The following FBLN7 variants were observed in gnomAD, a reference collection of about 807,000 sequenced individuals.
The protein encoded by FBLN7 is fibulin-7.
FBLN7 carries 31 observed loss-of-function variants against 44.0 expected under a neutral mutation model. The ratio of observed to expected loss-of-function variants is 0.70; its 90% CI spans 0.53 to 0.95. The LOEUF (loss-of-function observed/expected upper bound fraction) is 0.95, where lower values mean the gene tolerates loss of function less well. FBLN7 is among the 40% of genes least tolerant of loss of function. The pLI is 0.00. For missense variants in FBLN7, 573 were observed against 618.5 expected (o/e 0.93, Z 0.78); for synonymous variants, 262 against 253.4 (o/e 1.03, Z -0.32).
intron 4 of FBLN7, chr2:112,177,241 T>C (rs1322853482): frequency 6.6e-6 from 1 of 152,228 alleles, no homozygotes; most frequent in African/African-American, 2.4e-5. Context: ...CGCCCAAGGA[T>C]CTTTAGACAA....
chr2:112,240,956 T>C, the FBLN7 span, among the ~76,000 whole-genome samples: 1 of 114,778 alleles, frequency 8.7e-6, no homozygotes, highest in African/African-American at 3.0e-5. Context: ...GGTAACAGTG[T>C]GTGTGTGTGT....
chr2:112,230,703 C>A, the FBLN7 span: 1 of 239,368 alleles, frequency 4.2e-6, no homozygotes, highest in Non-Finnish European at 8.1e-6. Context: ...AAAAATATAC[C>A]TGATAGACAA....
At chr2:112,211,548 TTAAC>T in the FBLN7 span, 1 of 152,318 alleles carries the variant, frequency 6.6e-6, no homozygotes, top group African/African-American at 2.4e-5. Context: ...AAACTTTTAT[TTAAC>T]TATGTACAAC....
chr2:112,149,619 GGGCTCCAGA>G (rs1307082520), intron 1 of FBLN7, among the ~76,000 whole-genome samples: 3 of 152,100 alleles, frequency 2.0e-5, no homozygotes, highest in African/African-American at 7.2e-5. Context: ...TGCAGCCCTG[GGGCTCCAGA>G]GAAGACTCCC....
intron 4 of FBLN7, among the ~76,000 whole-genome samples, chr2:112,178,657 A>T (rs2104597222): frequency 6.6e-6 from 1 of 152,374 alleles, no homozygotes; most frequent in Non-Finnish European, 1.5e-5. Flanking sequence ...ATCCACCATG[A>T]TCAAGTAGGC....
chr2:112,209,657 G>A, the FBLN7 span, among the ~76,000 whole-genome samples: 16,346 of 152,194 alleles, frequency 0.11, 1,178 homozygotes, highest in Non-Finnish European at 0.15. Flanking sequence ...CCTGAGCAGG[G>A]TGAGGAAAAT....
chr2:112,219,650 AT>A, the FBLN7 span, among the ~76,000 whole-genome samples: 962 of 147,230 alleles, frequency 6.5e-3, 7 homozygotes, highest in African/African-American at 0.021. Context: ...GAGTGGGGTG[AT>A]TTTTTTTTTT....
intron 3 of FBLN7, among the ~76,000 whole-genome samples, chr2:112,174,278 A>G (rs1374470682): frequency 6.6e-6 from 1 of 152,224 alleles, no homozygotes; most frequent in Non-Finnish European, 1.5e-5. Context: ...TGCAAACAGA[A>G]TGTATGAGGG....
chr2:112,166,660 C>A (rs1208685215), intron 3 of FBLN7, among the ~76,000 whole-genome samples: 1 of 152,220 alleles, frequency 6.6e-6, no homozygotes, highest in African/African-American at 2.4e-5. Context: ...AGGTTAAGCA[C>A]CTCCTGGGTG....
chr2:112,215,556 T>C, the FBLN7 span: 2 of 152,248 alleles, frequency 1.3e-5, no homozygotes, highest in African/African-American at 2.4e-5. Context: ...TGGTGTACTC[T>C]GTATGTCCAG....
the FBLN7 span, among the ~76,000 whole-genome samples, chr2:112,209,415 C>T: frequency 6.6e-6 from 1 of 152,188 alleles, no homozygotes; most frequent in Non-Finnish European, 1.5e-5. Flanking sequence ...ACCATTTTAG[C>T]TTTCTGGTGT....
the FBLN7 span, among the ~76,000 whole-genome samples, chr2:112,237,797 C>T: frequency 2.0e-5 from 3 of 152,040 alleles, no homozygotes; most frequent in Admixed American, 2.0e-4. Context: ...GAACTCCTGA[C>T]CTCAAGTGAT....
At chr2:112,202,696 G>A in the FBLN7 span, among the ~76,000 whole-genome samples, 2 of 152,220 alleles carry the variant, frequency 1.3e-5, no homozygotes, top group Admixed American at 6.5e-5. Flanking sequence ...AATGCCTGTG[G>A]CATTTTAACT....
intron 4 of FBLN7, 33 bp downstream of exon 4, chr2:112,175,872 T>C: frequency 6.2e-7 from 1 of 1,608,256 alleles, no homozygotes; most frequent in South Asian, 1.1e-5. Flanking sequence ...GGTGAGGACA[T>C]CCTGCTGTGG....
At chr2:112,141,771 T>G (rs987450062) in intron 1 of FBLN7, among the ~76,000 whole-genome samples, 1 of 152,196 alleles carries the variant, frequency 6.6e-6, no homozygotes, top group Non-Finnish European at 1.5e-5. Context: ...TGCCATTGTG[T>G]GACTTTTGCT....
At chr2:112,222,667 TAAAA>T in the FBLN7 span, among the ~76,000 whole-genome samples, 1 of 151,976 alleles carries the variant, frequency 6.6e-6, no homozygotes, top group Admixed American at 6.5e-5. Context: ...TTATATGAGA[TAAAA>T]AAAGGACATA....
chr2:112,159,855 C>T lies in FBLN7; in HGVS notation c.235+20C>T. The T allele has an allele frequency of 1.3e-6, 2 of 1,507,144 alleles. No homozygotes were observed. The highest frequency in any genetic ancestry group is 1.8e-6 in the Non-Finnish European group (2 of 1,128,420). 93.4% of individuals were successfully genotyped at this position (1,507,144 alleles called of 1,614,324 possible). ...TTCCAGGTGGGTCCCCACGTCGGCA[C>T]CGCTGGGGCGGCAGCGCAGCACTCG... On this transcript the variant is annotated intron_variant, in intron 2 of 7. Transcript: ENST00000331203.
intron 4 of FBLN7, among the ~76,000 whole-genome samples, 183 bp from the exon 5 acceptor site, chr2:112,181,556 G>A (rs1682992414): frequency 6.6e-6 from 1 of 152,162 alleles, no homozygotes; most frequent in South Asian, 2.1e-4. Flanking sequence ...CCCCCTTCGC[G>A]TAGGCCCTGG....
the FBLN7 span, chr2:112,212,965 CTTTTTTTTT>C: frequency 1.2e-5 from 1 of 84,892 alleles, no homozygotes; most frequent in South Asian, 4.2e-4. Flanking sequence ...AGAAGAAATG[CTTTTTTTTT>C]TTTTTTTTTT....
Sources: gnomAD v4.1 joint callset for allele counts (sites outside exome capture counted in the v4.1 genomes callset) on GRCh38, gnomAD v4.1.1 for gene constraint, MANE v1.5 for transcripts, NCBI Gene and HGNC (gene_info 2026-07-23, HGNC 2026-07-21) for gene names.